The following COA1 variants were observed in gnomAD, a reference collection of about 807,000 sequenced individuals.
The protein encoded by COA1 is cytochrome c oxidase assembly factor 1 homolog.
COA1 carries 13 observed loss-of-function variants against 16.0 expected under a neutral mutation model. The ratio of observed to expected loss-of-function variants is 0.81; its 90% CI spans 0.53 to 1.29. COA1 has a LOEUF of 1.29. Ranked by LOEUF, COA1 falls within the 50% of genes most tolerant of loss-of-function variation. The probability of loss-of-function intolerance (pLI) is 0.00; values close to 1 mark genes in which losing one functional copy is unlikely to be tolerated. For missense variants in COA1, 179 were observed against 177.0 expected (o/e 1.01, Z -0.06); for synonymous variants, 65 against 65.7 (o/e 0.99, Z 0.05).
intron 1 of COA1, among the ~76,000 whole-genome samples, chr7:43,682,512 G>A (rs760897095): frequency 1.3e-5 from 2 of 152,164 alleles, no homozygotes; most frequent in East Asian, 1.9e-4. Context: ...GAAGTAATCC[G>A]AATTCTTTCA....
intron 1 of COA1, among the ~76,000 whole-genome samples, chr7:43,717,451 G>A (rs1222908848): frequency 6.6e-6 from 1 of 152,050 alleles, no homozygotes; most frequent in East Asian, 1.9e-4. Flanking sequence ...CCTTTGTTTT[G>A]GCCAATTTCT....
chr7:43,660,849 A>G (rs1011476148), intron 1 of COA1, among the ~76,000 whole-genome samples: 11 of 152,210 alleles, frequency 7.2e-5, no homozygotes, highest in Non-Finnish European at 1.6e-4. Context: ...TCTAATACAG[A>G]AAACTGATTG....
chr7:43,690,631 G>C (rs2094235281), intron 1 of COA1, among the ~76,000 whole-genome samples: 1 of 152,106 alleles, frequency 6.6e-6, no homozygotes, highest in African/African-American at 2.4e-5. Context: ...TCATATGTGG[G>C]AGCTAAGTTA....
chr7:43,728,957 G>A (rs1184655765), intron 1 of COA1, among the ~76,000 whole-genome samples: 1 of 152,194 alleles, frequency 6.6e-6, no homozygotes, highest in Non-Finnish European at 1.5e-5. Flanking sequence ...CACTTTTGCA[G>A]TCAGCCCCTG....
At chr7:43,617,064 T>A (rs79750299) in intron 6 of COA1, among the ~76,000 whole-genome samples, 2,704 of 152,304 alleles carry the variant, frequency 0.018, 47 homozygotes, top group Non-Finnish European at 0.027. Flanking sequence ...GAATACCATA[T>A]ACAAATTCAC....
chr7:43,668,866 A>G (rs1487562473), intron 1 of COA1, among the ~76,000 whole-genome samples: 3 of 152,220 alleles, frequency 2.0e-5, no homozygotes, highest in African/African-American at 7.2e-5. Context: ...CACTTGTGGG[A>G]ACTGCTATAC....
intron 1 of COA1, among the ~76,000 whole-genome samples, chr7:43,677,941 T>C (rs2092050542): frequency 6.6e-6 from 1 of 152,164 alleles, no homozygotes; most frequent in African/African-American, 2.4e-5. Flanking sequence ...GATACAGATA[T>C]GTGCTAATGA....
chr7:43,669,306 G>A (rs1486385015), intron 1 of COA1, among the ~76,000 whole-genome samples: 1 of 152,076 alleles, frequency 6.6e-6, no homozygotes, highest in Non-Finnish European at 1.5e-5. Context: ...CTCCAGAAAC[G>A]TTTCTTGTCT....
intron 1 of COA1, among the ~76,000 whole-genome samples, chr7:43,719,872 AACTGGCATGAGATGAG>A (rs2095471579): frequency 6.6e-6 from 1 of 152,222 alleles, no homozygotes; most frequent in African/African-American, 2.4e-5. Flanking sequence ...AACAAGGGGA[AACTGGCATGAGATGAG>A]ACTATAACAG....
intron 1 of COA1, among the ~76,000 whole-genome samples, chr7:43,698,038 C>A (rs958645466): frequency 6.6e-6 from 1 of 152,142 alleles, no homozygotes; most frequent in African/African-American, 2.4e-5. Flanking sequence ...TTTACCAAAA[C>A]CAGAAAGCGC....
At chr7:43,668,719 T>C (rs1225205000) in intron 1 of COA1, among the ~76,000 whole-genome samples, 2 of 152,220 alleles carry the variant, frequency 1.3e-5, no homozygotes, top group Non-Finnish European at 2.9e-5. Flanking sequence ...ATCCTGCAAA[T>C]TCTGCCAGGT....
chr7:43,640,487 TAAC>T, intron 5 of COA1, 83 bp downstream of exon 5: 1 of 975,032 alleles, frequency 1.0e-6, no homozygotes, highest in Non-Finnish European at 1.6e-6. Flanking sequence ...CACAGTAATT[TAAC>T]AACAAATGAA....
intron 6 of COA1, among the ~76,000 whole-genome samples, chr7:43,610,440 C>T (rs1028077601): frequency 1.3e-5 from 2 of 149,488 alleles, no homozygotes; most frequent in African/African-American, 4.9e-5. Flanking sequence ...CCGAGCCAGG[C>T]AGATCACTTG....
At chr7:43,721,364 A>C (rs896128744) in intron 1 of COA1, among the ~76,000 whole-genome samples, 2 of 152,214 alleles carry the variant, frequency 1.3e-5, no homozygotes, top group African/African-American at 4.8e-5. Flanking sequence ...AAAAGCCACA[A>C]TCTTTATTAG....
chr7:43,640,453 T>C, intron 5 of COA1, 120 bp downstream of exon 5: 2 of 790,572 alleles, frequency 2.5e-6, no homozygotes, highest in Non-Finnish European at 2.1e-6. Context: ...AGCTTCAAGC[T>C]TGAAAAATAA....
intron 2 of COA1, 31 bp downstream of exon 2, chr7:43,648,569 T>A: frequency 6.2e-7 from 1 of 1,612,812 alleles, no homozygotes; most frequent in Non-Finnish European, 8.5e-7. Context: ...CAGGTTCTAG[T>A]GGGGAACTTG....
intron 1 of COA1, among the ~76,000 whole-genome samples, chr7:43,694,964 G>A (rs2094483891): frequency 6.6e-6 from 1 of 151,408 alleles, no homozygotes; most frequent in Non-Finnish European, 1.5e-5. Flanking sequence ...CCTTCTATCT[G>A]CCAGGCCAAA....
At chr7:43,619,461 ATTTCT>A in intron 6 of COA1, 1 of 1,156,498 alleles carries the variant, frequency 8.6e-7, no homozygotes. Context: ...TTGTAAAAAT[ATTTCT>A]TTAACAAATG....
intron 1 of COA1, among the ~76,000 whole-genome samples, chr7:43,724,041 C>G (rs2095562147): frequency 1.3e-5 from 2 of 152,212 alleles, no homozygotes; most frequent in African/African-American, 2.4e-5. Flanking sequence ...TCAAAGATCT[C>G]CAAGTCCTAA....
Sources: allele counts gnomAD v4.1 joint callset (sites outside exome capture counted in the v4.1 genomes callset), GRCh38; gene constraint gnomAD v4.1.1; transcripts MANE v1.5; gene names NCBI Gene and HGNC (gene_info 2026-07-23, HGNC 2026-07-21).